Variants in DNAH9 observed in about 807,000 individuals in gnomAD.
The protein encoded by DNAH9 is DNAH9 variant protein.
Under a neutral mutation model 471.6 loss-of-function variants are expected in DNAH9, and 345 were observed. The ratio of observed to expected loss-of-function variants is 0.73; its 90% CI spans 0.67 to 0.80. The LOEUF is 0.80. DNAH9 is among the 30% of genes least tolerant of loss of function. DNAH9 has a pLI of 0.00. For missense variants in DNAH9, 5,407 were observed against 5,609.2 expected (o/e 0.96, Z 1.15); for synonymous variants, 2,093 against 2,123.6 (o/e 0.99, Z 0.40).
rs139975170 is a variant in DNAH9, at chr17:11,863,083, G to A, written c.9934-6051G>A. Reference sequence around the variant, plus strand: ...TTGAATAGGAGTGGTGAGAGAGGGCGTTCCTGTCTTGTGCCAGTTTTCAAA... The same window carrying A: ...TTGAATAGGAGTGGTGAGAGAGGGCATTCCTGTCTTGTGCCAGTTTTCAAA... On this transcript the variant is annotated intron_variant, in intron 50 of 68. Coordinates refer to ENST00000262442, the MANE Select transcript of DNAH9 (RefSeq NM_001372.4). Among the ~76,000 whole-genome samples, 1,264 of 152,218 alleles carry A rather than the reference G, an allele frequency of 8.3e-3. 6 individuals are homozygous for A. The highest frequency in any genetic ancestry group is 0.024 in the Middle Eastern group (7 of 294).
chr17:11,641,395 G>A (rs2073268965), intron 10 of DNAH9, among the ~76,000 whole-genome samples: 2 of 152,140 alleles, frequency 1.3e-5, no homozygotes, highest in South Asian at 4.1e-4. Context: ...ACTCTGTGCA[G>A]AACTAACAAA....
chr17:11,719,205 G>T, intron 26 of DNAH9, 129 bp from the exon 27 acceptor site: 1 of 863,288 alleles, frequency 1.2e-6, no homozygotes. Flanking sequence ...GCTGTGGGGA[G>T]CGGGAAAAAG....
chr17:11,797,962 C>G (rs1969307927), intron 43 of DNAH9, among the ~76,000 whole-genome samples, 169 bp downstream of exon 43: 1 of 152,122 alleles, frequency 6.6e-6, no homozygotes, highest in Non-Finnish European at 1.5e-5. Context: ...CTGCCGCAGA[C>G]CCTAGGGGGC....
chr17:11,933,988 C>G lies in DNAH9; in HGVS notation c.12406C>G (p.Arg4136Gly), dbSNP rs372892940. The change falls in exon 65 of 69, where the codon CGA (arginine) becomes GGA (glycine). Residue 4136 changes from arginine to glycine, a missense_variant. By Grantham distance (125) the Arg-to-Gly change is moderately radical (BLOSUM62 -2). Coordinates refer to ENST00000262442, the MANE Select transcript of DNAH9 (RefSeq NM_001372.4). ...LCRTYLGEFI[R>G]PEMLEGELSL... Reference sequence around the variant, plus strand: ...CAGAACCTACCTGGGGGAATTCATTCGACCAGAAATGTTAGAAGGAGAACT... The same window carrying G: ...CAGAACCTACCTGGGGGAATTCATTGGACCAGAAATGTTAGAAGGAGAACT... The G allele has an allele frequency of 6.2e-7, 1 of 1,614,044 alleles. No individual in the cohort carries two copies. Among genetic ancestry groups the G allele is most frequent in the Non-Finnish European group, 8.5e-7 (1 of 1,180,042 alleles).
At chr17:11,812,838 A>C (rs76972338) in intron 45 of DNAH9, among the ~76,000 whole-genome samples, 114 of 152,306 alleles carry the variant, frequency 7.5e-4, no homozygotes, top group African/African-American at 2.7e-3. Context: ...TTTAATCTAC[A>C]ACATAGCCTC....
rs768529824 is a variant in DNAH9, at chr17:11,768,637, C to A, written c.7344+11C>A. 2 of 1,612,774 alleles carry A rather than the reference C, an allele frequency of 1.2e-6. No homozygotes were observed. Among genetic ancestry groups the A allele is most frequent in the Non-Finnish European group, 1.7e-6 (2 of 1,179,066 alleles). On this transcript the variant is annotated intron_variant, in intron 37 of 68. Transcript: ENST00000262442. ...GAGATGCCCTTGCAGGTGAGTGCAG[C>A]TGAGCAGCCGAGGACGTGCGTGCAG...
intron 28 of DNAH9, among the ~76,000 whole-genome samples, chr17:11,730,968 G>GATGATGGAGATGATA (rs2075253397): frequency 1.6e-5 from 2 of 126,136 alleles, no homozygotes; most frequent in Non-Finnish European, 3.4e-5. Context: ...TGGTGGTGAT[G>GATGATGGAGATGATA]ATGGTGATGA....
chr17:11,925,695 G>A (rs1356909426), intron 62 of DNAH9, among the ~76,000 whole-genome samples: 2 of 152,020 alleles, frequency 1.3e-5, no homozygotes, highest in Non-Finnish European at 2.9e-5. Flanking sequence ...GGCCATGCAG[G>A]GCATCAAAAT....
chr17:11,683,623 G>T (rs2074178667), intron 19 of DNAH9, among the ~76,000 whole-genome samples: 1 of 152,084 alleles, frequency 6.6e-6, no homozygotes, highest in South Asian at 2.1e-4. Context: ...TCCTTCATGG[G>T]TATATTTTGT....
intron 18 of DNAH9, 131 bp downstream of exon 18, chr17:11,680,110 A>T: frequency 1.4e-6 from 1 of 691,738 alleles, no homozygotes; most frequent in South Asian, 1.9e-5. Flanking sequence ...TGGAACTATA[A>T]TGTGTAGCGT....
chr17:11,752,976 A>T lies in DNAH9; in HGVS notation c.6738+16A>T. 1 of 1,566,082 alleles carries T rather than the reference A, an allele frequency of 6.4e-7. No individual in the cohort carries two copies. The highest frequency in any genetic ancestry group is 2.3e-5 in the East Asian group (1 of 44,016). On this transcript the variant is annotated intron_variant, in intron 33 of 68. Transcript: ENST00000262442. The stretch of plus-strand genomic sequence containing the variant: ...TGATAACAAGGTATGAAATTGGGGG[A>T]TATCCCTAGATCATTTCTAATCACC...
intron 61 of DNAH9, among the ~76,000 whole-genome samples, chr17:11,920,152 T>C (rs1232199179): frequency 6.6e-6 from 1 of 151,204 alleles, no homozygotes; most frequent in Non-Finnish European, 1.5e-5. Flanking sequence ...TTCTCCTGCC[T>C]CAGCCCCCTG....
rs1442527721 is a variant in DNAH9 at position 11,892,746 on chromosome 17, G to GT, written c.11283+802dup. Among the ~76,000 whole-genome samples the GT allele has an allele frequency of 6.6e-6, 1 of 151,914 alleles. No homozygotes were observed. The highest frequency in any genetic ancestry group is 2.4e-5 in the African/African-American group (1 of 41,344). ...TTTTTGTATTTTAAGTAGAGATGGGGTTTCACCATATTGGCCAGGCTCGTC... is the reference window on the plus strand; with the variant it reads ...TTTTTGTATTTTAAGTAGAGATGGGGTTTTCACCATATTGGCCAGGCTCGTC... On this transcript the variant is annotated intron_variant, in intron 58 of 68. Coordinates refer to ENST00000262442, the MANE Select transcript of DNAH9 (RefSeq NM_001372.4). This position sits in a 1 kb window ranked among gnomAD's most constrained non-coding sequence, Gnocchi z 4.3.
At chr17:11,739,176 C>A in intron 29 of DNAH9, 139 bp downstream of exon 29, 1 of 817,860 alleles carries the variant, frequency 1.2e-6, no homozygotes, top group Non-Finnish European at 1.9e-6. Context: ...TCTTTAATGT[C>A]TTTAATGCAG....
chr17:11,857,165 A>G (rs980013652), intron 50 of DNAH9, among the ~76,000 whole-genome samples: 2 of 152,250 alleles, frequency 1.3e-5, no homozygotes, highest in Non-Finnish European at 2.9e-5. Flanking sequence ...TGGTGCAAAG[A>G]GAATGTTTTC....
At chr17:11,872,463 A>G (rs1197165732) in intron 52 of DNAH9, among the ~76,000 whole-genome samples, 1 of 150,988 alleles carries the variant, frequency 6.6e-6, no homozygotes, top group Non-Finnish European at 1.5e-5. Flanking sequence ...CAGAAGTTCT[A>G]ATATTTTCTT....
At chr17:11,953,375 T>C (rs1325330074) in intron 67 of DNAH9, among the ~76,000 whole-genome samples, 1 of 152,204 alleles carries the variant, frequency 6.6e-6, no homozygotes, top group East Asian at 1.9e-4. Context: ...GGCTTTACCT[T>C]GCTTTTTCCC....
intron 45 of DNAH9, among the ~76,000 whole-genome samples, chr17:11,815,688 C>T (rs1224307340): frequency 6.6e-6 from 1 of 152,132 alleles, no homozygotes; most frequent in Non-Finnish European, 1.5e-5. Flanking sequence ...ACTCGGGAGG[C>T]TAAGGTGGGA....
chr17:11,701,196 T>C lies in DNAH9; in HGVS notation c.5100T>C (p.Thr1700=). The C allele has an allele frequency of 6.2e-7, 1 of 1,614,110 alleles. No homozygotes were observed. Among genetic ancestry groups the C allele is most frequent in the Non-Finnish European group, 8.5e-7 (1 of 1,180,006 alleles). ...GGCATGAGATGACAGAAGGTGTAAC[T>C]GCCTATGAAGAAAAGCCGAGGGAGC... is the stretch of plus-strand genomic sequence containing the variant. ...TVRHEMTEGV[T]AYEEKPREQW... The change falls in exon 24 of 69, where the codon ACT becomes ACC. Residue 1700 remains threonine (T), a synonymous_variant. Transcript: ENST00000262442.
Sources: gnomAD v4.1 joint callset for allele counts (sites outside exome capture counted in the v4.1 genomes callset) on GRCh38, gnomAD v4.1.1 for gene constraint, Gnocchi (gnomAD v3.1) non-coding constraint, MANE v1.5 for transcripts, NCBI Gene and HGNC (gene_info 2026-07-23, HGNC 2026-07-21) for gene names.